The following AR variants were observed in gnomAD, a reference collection of about 807,000 sequenced individuals.
The protein encoded by AR is dihydrotestosterone receptor.
A neutral mutation model predicts 53.9 loss-of-function variants in AR; 8 were observed. The ratio of observed to expected loss-of-function variants is 0.15; its 90% confidence interval spans 0.09 to 0.27. The LOEUF (loss-of-function observed/expected upper bound fraction) is 0.27. Ranked by LOEUF, AR falls within the 10% of genes least tolerant of loss-of-function variation. The pLI is 1.00. For missense variants in AR, 639 were observed against 742.5 expected (o/e 0.86, Z 1.62); for synonymous variants, 359 against 316.4 (o/e 1.13, Z -1.43).
At position 67,728,890 on chromosome X, in the gene AR, T is replaced by C. The variant is rs925461662; in HGVS notation, c.*5049T>C. ...TCAAGACAGATGAATGTGGAAAGCATAAAAACTCAATGGAACTGACTGAGA... is the reference window on the plus strand; with the variant it reads ...TCAAGACAGATGAATGTGGAAAGCACAAAAACTCAATGGAACTGACTGAGA... On this transcript the variant is annotated 3_prime_UTR_variant, in exon 8 of 8. Coordinates refer to ENST00000374690, the MANE Select transcript of AR (RefSeq NM_000044.6). The C allele has an allele frequency of 8.8e-5, 15 of 170,206 alleles. No homozygotes were observed. The highest frequency in any genetic ancestry group is 3.4e-5 in the Non-Finnish European group (3 of 89,301). The allele number at this position is 170,206 out of a possible 1,213,427, so 14.0% of individuals were successfully genotyped here.
intron 1 of AR, among the ~76,000 whole-genome samples, chrX:67,612,745 G>A (rs1480869989): frequency 8.9e-6 from 1 of 111,917 alleles, no homozygotes; most frequent in Non-Finnish European, 1.9e-5. Context: ...ATAGCAAAAA[G>A]AGAAACATTT....
At chrX:67,607,256 G>A (rs766950992) in intron 1 of AR, among the ~76,000 whole-genome samples, 13 of 110,913 alleles carry the variant, frequency 1.2e-4, no homozygotes, top group African/African-American at 3.6e-4. Flanking sequence ...TTGAACTCCC[G>A]ACCTCAGATG....
chrX:67,612,444 A>C (rs1923926421), intron 1 of AR, among the ~76,000 whole-genome samples: 1 of 112,325 alleles, frequency 8.9e-6, no homozygotes, highest in East Asian at 2.8e-4. Context: ...GCACCTATGC[A>C]GTCTTCCAGT....
intron 1 of AR, among the ~76,000 whole-genome samples, chrX:67,616,908 C>T (rs1212648112): frequency 9.0e-6 from 1 of 111,216 alleles, no homozygotes; most frequent in East Asian, 2.9e-4. Flanking sequence ...ATCTCATGAG[C>T]ACAGAGCATT....
chrX:67,600,020 G>A (rs1183677231), intron 1 of AR, among the ~76,000 whole-genome samples: 1 of 111,318 alleles, frequency 9.0e-6, no homozygotes, highest in African/African-American at 3.3e-5. Context: ...AAATGAGTAT[G>A]TTAATATCAT....
intron 4 of AR, among the ~76,000 whole-genome samples, chrX:67,714,545 GC>G (rs1306858090): frequency 9.0e-6 from 1 of 111,680 alleles, no homozygotes; most frequent in Non-Finnish European, 1.9e-5. Flanking sequence ...CTTTCTTTGA[GC>G]CCATTCTCCC....
chrX:67,596,352 T>G (rs757938955), intron 1 of AR, among the ~76,000 whole-genome samples: 58 of 110,995 alleles, frequency 5.2e-4, no homozygotes, highest in Non-Finnish European at 1.0e-3. Context: ...GTGACTCCAC[T>G]TCTTTTCTTT....
At position 67,581,664 on chromosome X, in the gene AR, C is replaced by T. The variant is rs193235929; in HGVS notation, c.1616+34902C>T. ...GCTAGAAATTTTGTAATATTCTTCACGATATTCAAGATATTAACATATCCG... is the reference window on the plus strand; with the variant it reads ...GCTAGAAATTTTGTAATATTCTTCATGATATTCAAGATATTAACATATCCG... On this transcript the variant is annotated intron_variant, in intron 1 of 7. Transcript: ENST00000374690. Among the ~76,000 whole-genome samples the T allele has an allele frequency of 3.0e-3, 328 of 111,158 alleles. 1 individual carries two copies. The highest frequency in any genetic ancestry group is 5.3e-3 in the Non-Finnish European group (281 of 52,892).
intron 1 of AR, among the ~76,000 whole-genome samples, chrX:67,606,448 T>C (rs1395807148): frequency 1.8e-5 from 2 of 112,347 alleles, no homozygotes; most frequent in Non-Finnish European, 3.8e-5. Flanking sequence ...ATACTTATTT[T>C]TTGGTTAGAA....
rs758609552 is a variant in AR at position 67,641,542 on chromosome X, A to G, written c.1617-1714A>G. ...AGAAATGATCTTAGCATTTAGCTGA[A>G]TTATATATTGGAAGTAAGCTCCTTC... On this transcript the variant is annotated intron_variant, in intron 1 of 7. Coordinates refer to ENST00000374690, the MANE Select transcript of AR (RefSeq NM_000044.6). 4.4e-3 allele frequency among the ~76,000 whole-genome samples: 495 copies of G among 111,966 alleles called. 2 individuals carry two copies. The highest frequency in any genetic ancestry group is 0.015 in the African/African-American group (472 of 30,882).
chrX:67,664,547 A>C (rs2147467936), intron 2 of AR, among the ~76,000 whole-genome samples: 1 of 112,156 alleles, frequency 8.9e-6, no homozygotes, highest in Non-Finnish European at 1.9e-5. Context: ...CCTCCCAGTT[A>C]GGCTACTCGG....
intron 1 of AR, among the ~76,000 whole-genome samples, chrX:67,567,969 C>T (rs776066315): frequency 1.8e-5 from 2 of 110,902 alleles, no homozygotes; most frequent in Admixed American, 9.6e-5. Context: ...ATTGTAGTAA[C>T]GGGGCTGAGG....
At chrX:67,680,554 G>A (rs898088516) in intron 2 of AR, among the ~76,000 whole-genome samples, 2 of 111,415 alleles carry the variant, frequency 1.8e-5, no homozygotes, top group Non-Finnish European at 3.8e-5. Flanking sequence ...TGTTCATATA[G>A]GTCCTGCATT....
intron 1 of AR, among the ~76,000 whole-genome samples, chrX:67,636,973 A>C (rs1002014106): frequency 7.1e-5 from 8 of 111,931 alleles, no homozygotes; most frequent in Non-Finnish European, 1.1e-4. Context: ...ACTCATGCCT[A>C]ACAAACAAAA....
At chrX:67,575,510 G>A (rs1411111516) in intron 1 of AR, among the ~76,000 whole-genome samples, 1 of 111,599 alleles carries the variant, frequency 9.0e-6, no homozygotes, top group African/African-American at 3.3e-5. Flanking sequence ...ATCAAAATGG[G>A]ATAGCATTAA....
At chrX:67,640,883 T>A in intron 1 of AR, among the ~76,000 whole-genome samples, 1 of 111,711 alleles carries the variant, frequency 9.0e-6, no homozygotes, top group South Asian at 3.7e-4. Context: ...TTGAAGTGCA[T>A]CCTCATCTTT....
intron 3 of AR, among the ~76,000 whole-genome samples, chrX:67,693,963 C>T (rs2076007717): frequency 9.0e-6 from 1 of 111,603 alleles, no homozygotes; most frequent in Non-Finnish European, 1.9e-5. Context: ...ATGTAAGCAC[C>T]GAGCACCTGC....
chrX:67,707,223 T>C (rs2076072441), intron 3 of AR, among the ~76,000 whole-genome samples: 1 of 111,780 alleles, frequency 8.9e-6, no homozygotes, highest in Admixed American at 9.5e-5. Context: ...TTGATCTGTC[T>C]AATGTTGACA....
intron 1 of AR, among the ~76,000 whole-genome samples, chrX:67,590,790 C>A (rs1432737800): frequency 8.9e-6 from 1 of 111,943 alleles, no homozygotes; most frequent in Non-Finnish European, 1.9e-5. Context: ...CAGAGTAGAA[C>A]TCTGGAATTC....
Sources: gnomAD v4.1 joint callset for allele counts (sites outside exome capture counted in the v4.1 genomes callset) on GRCh38, gnomAD v4.1.1 for gene constraint, MANE v1.5 for transcripts, NCBI Gene and HGNC (gene_info 2026-07-23, HGNC 2026-07-21) for gene names.